Variants in ANK1 observed in about 807,000 individuals in gnomAD.
ANK1 encodes the protein ankyrin-1.
In ANK1, 51 loss-of-function variants were observed where a neutral mutation model predicts 210.4. The observed-to-expected ratio is 0.24, with a 90% CI of 0.19 to 0.31. ANK1 has a LOEUF of 0.31. Among genes scored for constraint, ANK1 ranks in the 10% least tolerant of loss-of-function variants. ANK1 has a pLI of 1.00. For synonymous variants in ANK1, 967 were observed against 1,025.9 expected (o/e 0.94, Z 1.10); for missense variants, 2,051 against 2,504.4 (o/e 0.82, Z 3.86).
In ANK1 at chr8:41,715,061, G is replaced by A; in HGVS notation, c.1616C>T (p.Pro539Leu). 3.1e-6 allele frequency: 5 copies of A among 1,614,154 alleles called. No individual in the cohort carries two copies. The highest frequency in any genetic ancestry group is 4.2e-6 in the Non-Finnish European group (5 of 1,180,018). Residue 539 changes from proline to leucine, a missense_variant, in exon 15 of 43, where the codon CCT (proline) becomes CTT (leucine). Transcript: ENST00000289734. The stretch of plus-strand genomic sequence containing the variant: ...CCCGTACTTGGCCGCCACGTGCAGA[G>A]GGGTAAATCCTTTCTGAGGAGAAAC... ...QACMTKKGFT[P>L]LHVAAKYGKV...
At chr8:41,785,398 G>A (rs1490055829) in intron 1 of ANK1, among the ~76,000 whole-genome samples, 1 of 152,132 alleles carries the variant, frequency 6.6e-6, no homozygotes, top group Admixed American at 6.5e-5. Flanking sequence ...ACATGAAGCA[G>A]AATGAGTTTG....
At chr8:41,695,071 TG>T in intron 27 of ANK1, 105 bp downstream of exon 27, 1 of 1,484,638 alleles carries the variant, frequency 6.7e-7, no homozygotes, top group Non-Finnish European at 9.3e-7. Context: ...CTCAGCCTCT[TG>T]GGGCTTCCCA....
intron 39 of ANK1, among the ~76,000 whole-genome samples, chr8:41,666,922 A>G (rs192438830): frequency 1.8e-4 from 27 of 152,268 alleles, no homozygotes; most frequent in East Asian, 1.4e-3. Context: ...GCCCTCATTT[A>G]TAATTGAGGG....
chr8:41,655,824 C>A (rs1399193920), intron 42 of ANK1, 71 bp from the exon 43 acceptor site: 2 of 1,540,506 alleles, frequency 1.3e-6, no homozygotes. Flanking sequence ...ACCCCACACA[C>A]AGAGTTTTGT....
At chr8:41,796,801 G>A (rs991481450) in intron 1 of ANK1, among the ~76,000 whole-genome samples, 1 of 151,918 alleles carries the variant, frequency 6.6e-6, no homozygotes, top group African/African-American at 2.4e-5. Flanking sequence ...CTGACACATG[G>A]CACAGGCTGG....
At position 41,698,126 on chromosome 8, in the gene ANK1, G is replaced by A. The variant is rs575262574; in HGVS notation, c.2559-5C>T. The A allele has an allele frequency of 1.1e-4, 183 of 1,613,922 alleles. No homozygotes were observed. Among genetic ancestry groups the A allele is most frequent in the South Asian group, 5.5e-4 (50 of 91,064 alleles). On this transcript the variant is annotated splice_polypyrimidine_tract_variant and splice_region_variant and intron_variant, in intron 23 of 42. Transcript: ENST00000289734. ...GGGATGGCTGGAGATTCCACCCTGC[G>A]TGCCAAGAACACCAGAACATCACAG...
In ANK1 at chr8:41,750,562, C is replaced by T. The variant is rs1177490571; in HGVS notation, c.129+7474G>A. 1.5e-5 allele frequency among the ~76,000 whole-genome samples: 2 copies of T among 133,634 alleles called. 1 individual carries two copies. 87.7% of individuals were successfully genotyped at this position (133,634 alleles called of 152,430 possible). On this transcript the variant is annotated intron_variant, in intron 2 of 42. Coordinates refer to ENST00000289734, the MANE Select transcript of ANK1 (RefSeq NM_000037.4). ...TTCATAGCTATAGCAAACAACATTGCTGCTTTTTTTTTTTCCACACAGTCT... is the reference window on the plus strand; with the variant it reads ...TTCATAGCTATAGCAAACAACATTGTTGCTTTTTTTTTTTCCACACAGTCT...
intron 1 of ANK1, among the ~76,000 whole-genome samples, chr8:41,791,623 G>T (rs754253793): frequency 3.3e-5 from 5 of 152,074 alleles, no homozygotes; most frequent in Non-Finnish European, 5.9e-5. Context: ...GGCAGGGATG[G>T]GGTTTCACCA....
At chr8:41,658,858 A>G (rs1308691008) in intron 42 of ANK1, among the ~76,000 whole-genome samples, 1 of 152,106 alleles carries the variant, frequency 6.6e-6, no homozygotes, top group African/African-American at 2.4e-5. Context: ...GTGCCACTGC[A>G]CTCCAGCCTG....
intron 1 of ANK1, among the ~76,000 whole-genome samples, chr8:41,796,539 T>C (rs1234841210): frequency 6.8e-6 from 1 of 146,626 alleles, no homozygotes; most frequent in African/African-American, 2.6e-5. Context: ...ACAGAGCCTC[T>C]CTCTCCTTAG....
intron 1 of ANK1, among the ~76,000 whole-genome samples, chr8:41,790,416 G>A (rs1420771304): frequency 2.0e-5 from 3 of 152,116 alleles, no homozygotes; most frequent in African/African-American, 7.2e-5. Flanking sequence ...CAAAGTGCTG[G>A]GATTACAGGC....
chr8:41,727,763 C>G, intron 4 of ANK1, 145 bp downstream of exon 4: 1 of 766,870 alleles, frequency 1.3e-6, no homozygotes, highest in South Asian at 1.5e-5. Context: ...CACCACTGCT[C>G]AGAGACATGC....
intron 1 of ANK1, among the ~76,000 whole-genome samples, chr8:41,764,845 T>C (rs1290458705): frequency 6.6e-6 from 1 of 152,260 alleles, no homozygotes; most frequent in East Asian, 1.9e-4. Context: ...CCCTAGGTTT[T>C]AAACACACCA....
At chr8:41,706,897 G>A (rs1824740905) in intron 17 of ANK1, among the ~76,000 whole-genome samples, 1 of 152,168 alleles carries the variant, frequency 6.6e-6, no homozygotes, top group Non-Finnish European at 1.5e-5. Context: ...TCAGGAGTTC[G>A]AGACCAGCCT....
intron 1 of ANK1, among the ~76,000 whole-genome samples, chr8:41,868,677 C>T (rs374330601): frequency 6.6e-6 from 1 of 152,118 alleles, no homozygotes; most frequent in East Asian, 1.9e-4. Context: ...AGCTATCGAC[C>T]CTGGTCTGAT....
chr8:41,715,624 C>T (rs1209647825), intron 14 of ANK1, 28 bp downstream of exon 14: 1 of 1,611,644 alleles, frequency 6.2e-7, no homozygotes, highest in South Asian at 1.1e-5. Flanking sequence ...CCTGTTGCTT[C>T]CTTAGACCAC....
chr8:41,819,541 G>C (rs904711669), intron 1 of ANK1, among the ~76,000 whole-genome samples: 7 of 152,186 alleles, frequency 4.6e-5, no homozygotes, highest in African/African-American at 7.2e-5. Context: ...GAACCTCCAG[G>C]CACCAGCCTG....
chr8:41,692,287 C>T (rs1819487400), intron 31 of ANK1, among the ~76,000 whole-genome samples: 1 of 152,204 alleles, frequency 6.6e-6, no homozygotes, highest in Non-Finnish European at 1.5e-5. Flanking sequence ...GAACTCCTGA[C>T]CTCAGGTGAT....
intron 1 of ANK1, among the ~76,000 whole-genome samples, chr8:41,891,969 G>C (rs1001920436): frequency 2.0e-5 from 3 of 152,312 alleles, no homozygotes; most frequent in Admixed American, 1.3e-4. Context: ...TAGTGAAATG[G>C]TTTAGCAACA....
Sources: allele counts gnomAD v4.1 joint callset (sites outside exome capture counted in the v4.1 genomes callset), GRCh38; gene constraint gnomAD v4.1.1; transcripts MANE v1.5; gene names NCBI Gene and HGNC (gene_info 2026-07-23, HGNC 2026-07-21).